Variants in ADAD1 observed in about 807,000 individuals in gnomAD.
ADAD1 encodes the protein adenosine deaminase domain containing 1.
In ADAD1, 46 loss-of-function variants were observed where a neutral mutation model predicts 66.8. The observed-to-expected ratio is 0.69, with a 90% CI of 0.54 to 0.88. The LOEUF (loss-of-function observed/expected upper bound fraction) is 0.88. ADAD1 is among the 40% of genes least tolerant of loss of function. The pLI is 0.00. For synonymous variants in ADAD1, 248 were observed against 229.4 expected, an observed-to-expected ratio of 1.08 and a Z score of -0.73; for missense variants, 617 against 681.8, an observed-to-expected ratio of 0.91 and a Z score of 1.06.
In ADAD1 at chr4:122,391,087, T is replaced by C. The variant is rs376823217; in HGVS notation, c.530-2502T>C. ...GTTGATGCTATTGTTGCTTTCTGCT[T>C]GTTCGTTTTTCTTTCAATAGTCAGG... On this transcript the variant is annotated intron_variant, in intron 5 of 12. Transcript: ENST00000296513. 3.3e-5 allele frequency among the ~76,000 whole-genome samples: 5 copies of C among 152,280 alleles called. No individual in the cohort carries two copies. In the East Asian group the frequency reaches 9.7e-4, roughly 29 times the overall value.
At chr4:122,380,389 C>A in intron 3 of ADAD1, 148 bp downstream of exon 3, 2 of 924,286 alleles carry the variant, frequency 2.2e-6, no homozygotes, top group Non-Finnish European at 3.2e-6. Context: ...TCTGACTCAA[C>A]ATTTGGAGGA....
At position 122,380,429 on chromosome 4, in the gene ADAD1, C is replaced by T. The variant is rs1199378663; in HGVS notation, c.172+188C>T. ...TGTAGAGCTCTTTACCTGTGCCGCT[C>T]GTTTAACCATCTGTTACCACCTTGA... On this transcript the variant is annotated intron_variant, in intron 3 of 12. Coordinates refer to ENST00000296513, the MANE Select transcript of ADAD1 (RefSeq NM_139243.4). The T allele has an allele frequency of 6.9e-5, 45 of 654,386 alleles. No homozygotes were observed. In the South Asian group the frequency reaches 9.2e-4, roughly 13 times the overall value. The allele number at this position is 654,386 out of a possible 1,614,324, so 40.5% of individuals were successfully genotyped here.
At chr4:122,405,204 G>C (rs1796152500) in intron 7 of ADAD1, among the ~76,000 whole-genome samples, 1 of 152,158 alleles carries the variant, frequency 6.6e-6, no homozygotes. Flanking sequence ...GTGCCCAGGT[G>C]TCCATGAATA....
chr4:122,419,903 T>A (rs1796926447), intron 11 of ADAD1, among the ~76,000 whole-genome samples: 1 of 152,186 alleles, frequency 6.6e-6, no homozygotes, highest in Non-Finnish European at 1.5e-5. Context: ...ATAAAGTATA[T>A]CTTTATTAGT....
intron 12 of ADAD1, among the ~76,000 whole-genome samples, chr4:122,427,225 A>G (rs1202299773): frequency 6.6e-6 from 1 of 152,232 alleles, no homozygotes; most frequent in Non-Finnish European, 1.5e-5. Flanking sequence ...TTCATCCACA[A>G]TAGCACCAAA....
chr4:122,383,364 T>G (rs1794995840), intron 4 of ADAD1, among the ~76,000 whole-genome samples: 1 of 152,026 alleles, frequency 6.6e-6, no homozygotes, highest in Non-Finnish European at 1.5e-5. Flanking sequence ...ATCCAAGGGG[T>G]GGGGGAAATT....
chr4:122,404,019 C>T (rs575540390), intron 7 of ADAD1, among the ~76,000 whole-genome samples: 1 of 152,294 alleles, frequency 6.6e-6, no homozygotes, highest in Admixed American at 6.5e-5. Context: ...CTCACTCCTG[C>T]AGTGCCCCGC....
At chr4:122,380,343 A>G (rs1299435668) in intron 3 of ADAD1, 102 bp downstream of exon 3, 2 of 1,392,906 alleles carry the variant, frequency 1.4e-6, no homozygotes, top group East Asian at 2.3e-5. Flanking sequence ...GTGGTTGTAT[A>G]GACATTTACC....
chr4:122,380,882 T>C, intron 3 of ADAD1, 110 bp from the exon 4 acceptor site: 2 of 974,546 alleles, frequency 2.1e-6, no homozygotes, highest in East Asian at 2.8e-5. Context: ...GAAAAACATA[T>C]GATGAAGTGT....
At chr4:122,411,447 TCTGA>T in intron 9 of ADAD1, 55 bp downstream of exon 9, 1 of 1,485,664 alleles carries the variant, frequency 6.7e-7, no homozygotes, top group Non-Finnish European at 9.2e-7. Context: ...TGCCATACAT[TCTGA>T]CTTTCTACAG....
intron 7 of ADAD1, among the ~76,000 whole-genome samples, chr4:122,402,994 G>T (rs1274450787): frequency 6.6e-6 from 1 of 152,196 alleles, no homozygotes; most frequent in African/African-American, 2.4e-5. Context: ...TGGCAGTTCA[G>T]AGATTTATTC....
At chr4:122,387,377 C>T (rs1795219903) in intron 5 of ADAD1, among the ~76,000 whole-genome samples, 1 of 152,052 alleles carries the variant, frequency 6.6e-6, no homozygotes, top group Non-Finnish European at 1.5e-5. Flanking sequence ...GTGATTTTTG[C>T]ACATTGATTT....
At chr4:122,396,719 G>T (rs1472673849) in intron 7 of ADAD1, among the ~76,000 whole-genome samples, 1 of 152,228 alleles carries the variant, frequency 6.6e-6, no homozygotes, top group African/African-American at 2.4e-5. Context: ...TATTCTTGTG[G>T]ACATATAATG....
At chr4:122,394,803 G>A (rs1032442458) in intron 6 of ADAD1, among the ~76,000 whole-genome samples, 4 of 152,120 alleles carry the variant, frequency 2.6e-5, no homozygotes, top group African/African-American at 4.8e-5. Flanking sequence ...TATTACTTCA[G>A]GAAAACAGGT....
chr4:122,381,050 T>C lies in ADAD1; in HGVS notation c.231T>C (p.Leu77=). The C allele has an allele frequency of 2.5e-6, 4 of 1,599,496 alleles. No homozygotes were observed. Among genetic ancestry groups the C allele is most frequent in the Non-Finnish European group, 3.4e-6 (4 of 1,176,878 alleles). ...TTTCATCTATTTCAAATCCTGTCCT[T>C]CCTCCAAAAAAAATACCTAAGGAAT... ...KNLSSISNPV[L]PPKKIPKEFI... is the part of the protein sequence containing the mutation. Residue 77 remains leucine (L), a synonymous_variant, in exon 4 of 13, where the codon CTT becomes CTC. Coordinates refer to ENST00000296513, the MANE Select transcript of ADAD1 (RefSeq NM_139243.4).
In ADAD1 at chr4:122,415,305, C is replaced by A. The variant is rs1452852651; in HGVS notation, c.1250-74C>A. On this transcript the variant is annotated intron_variant, in intron 10 of 12. Transcript: ENST00000296513. ...TAGAGAAATGGGCTTTAGACGATTT[C>A]CAATCATTTCATTTATTTTATTTTG... The A allele has an allele frequency of 8.2e-6, 10 of 1,224,774 alleles. No homozygotes were observed. The East Asian group carries it at 2.1e-4, about 26-fold the overall frequency. The allele number at this position is 1,224,774 out of a possible 1,614,324, so 75.9% of individuals were successfully genotyped here.
At chr4:122,424,927 A>G (rs181984017) in intron 12 of ADAD1, among the ~76,000 whole-genome samples, 22 of 152,200 alleles carry the variant, frequency 1.4e-4, no homozygotes, top group Admixed American at 1.3e-3. Context: ...GAATGTTTAT[A>G]TTAATATTAA....
intron 8 of ADAD1, among the ~76,000 whole-genome samples, chr4:122,408,808 A>G (rs1211213593): frequency 6.6e-6 from 1 of 152,094 alleles, no homozygotes; most frequent in African/African-American, 2.4e-5. Context: ...GATTGAGCCC[A>G]GAAAATCGAG....
intron 12 of ADAD1, among the ~76,000 whole-genome samples, chr4:122,423,596 A>T (rs1580812649): frequency 6.6e-6 from 1 of 152,304 alleles, no homozygotes. Flanking sequence ...CAAAATAGCC[A>T]AAAAAATTTG....
Sources: gnomAD v4.1 joint callset for allele counts (sites outside exome capture counted in the v4.1 genomes callset) on GRCh38, gnomAD v4.1.1 for gene constraint, MANE v1.5 for transcripts, NCBI Gene and HGNC (gene_info 2026-07-23, HGNC 2026-07-21) for gene names.